Variants in CEP295 observed in about 807,000 individuals in gnomAD.
CEP295 encodes the protein centrosomal protein of 295 kDa.
A neutral mutation model predicts 291.6 loss-of-function variants in CEP295; 190 were observed. The ratio of observed to expected loss-of-function variants is 0.65; its 90% CI spans 0.58 to 0.73. The LOEUF is 0.73. Ranked by LOEUF, CEP295 falls within the 30% of genes least tolerant of loss-of-function variation. CEP295 has a pLI of 0.00. For missense variants in CEP295, 2,863 were observed against 2,949.4 expected (o/e 0.97, Z 0.68); for synonymous variants, 993 against 1,038.8 (o/e 0.96, Z 0.85).
At chr11:93,714,162 C>G (rs985525985) in intron 18 of CEP295, among the ~76,000 whole-genome samples, 1 of 152,124 alleles carries the variant, frequency 6.6e-6, no homozygotes, top group Non-Finnish European at 1.5e-5. Context: ...CCCTTGGTCC[C>G]TTATTTAGTT....
chr11:93,674,428 T>C (rs1297176770), intron 5 of CEP295, among the ~76,000 whole-genome samples: 1 of 152,196 alleles, frequency 6.6e-6, no homozygotes, highest in African/African-American at 2.4e-5. Context: ...TAGCCAGGCA[T>C]GGTGGTACAT....
In CEP295 at chr11:93,679,499, G is replaced by C. The variant is rs150862789; in HGVS notation, c.712G>C (p.Glu238Gln). The C allele has an allele frequency of 1.1e-4, 174 of 1,551,568 alleles. No homozygotes were observed. The African/African-American group carries it at 2.0e-3, about 17-fold the overall frequency. The change falls in exon 7 of 30, where the codon GAA becomes CAA. Residue 238 changes from glutamate (E) to glutamine (Q), a missense_variant. Glu to Gln is a conservative substitution (Grantham distance 29). Around this residue, in one of 3 missense-constraint regions of CEP295, gnomAD observed 554 missense variants for 576.0 expected, o/e 0.96. Coordinates refer to ENST00000325212, the MANE Select transcript of CEP295 (RefSeq NM_033395.2). ...QAAQERMERFEKAHVRGFQAM... is the reference protein window; with the variant it reads ...QAAQERMERFQKAHVRGFQAM... The stretch of plus-strand genomic sequence containing the variant: ...AGCACAAGAGAGAATGGAACGGTTT[G>C]AAAAGGCACATGTACGGGGATTCCA...
Position 93,727,650 on chromosome 11 carries a change from A to C in CEP295, c.7161+13A>C, listed in dbSNP as rs1011271971. 1 of 1,495,700 alleles carries C rather than the reference A, an allele frequency of 6.7e-7. No individual in the cohort carries two copies. The highest frequency in any genetic ancestry group is 8.9e-7 in the Non-Finnish European group (1 of 1,124,514). 92.7% of individuals were successfully genotyped at this position (1,495,700 alleles called of 1,614,324 possible). On this transcript the variant is annotated intron_variant, in intron 24 of 29. Transcript: ENST00000325212. ...TATACCAGTCTGGGTAAGTGAAATC[A>C]GTGTTGTATAAATAACATTTAAATT...
intron 5 of CEP295, among the ~76,000 whole-genome samples, chr11:93,670,663 G>C (rs1481254227): frequency 6.6e-6 from 1 of 152,090 alleles, no homozygotes; most frequent in Non-Finnish European, 1.5e-5. Context: ...TGTAACATTT[G>C]ATCCAACAAA....
chr11:93,683,757 G>T lies in CEP295; in HGVS notation c.949+15G>T, dbSNP rs1951087208. On this transcript the variant is annotated intron_variant, in intron 8 of 29. Coordinates refer to ENST00000325212, the MANE Select transcript of CEP295 (RefSeq NM_033395.2). Reference sequence around the variant, plus strand: ...TGCAGACAGGAGTAAGATATTTTCAGTAGGGCTTTCAATAGTGATTTTATA... The same window carrying T: ...TGCAGACAGGAGTAAGATATTTTCATTAGGGCTTTCAATAGTGATTTTATA... 1 of 1,522,634 alleles carries T rather than the reference G, an allele frequency of 6.6e-7. No individual in the cohort carries two copies. The highest frequency in any genetic ancestry group is 1.4e-5 in the African/African-American group (1 of 71,046). The allele number at this position is 1,522,634 out of a possible 1,614,324, so 94.3% of individuals were successfully genotyped here. A position where few individuals can be genotyped will look rare whatever the true frequency, so the allele number is the denominator to read the frequency against.
Position 93,699,949 on chromosome 11 carries a change from A to C in CEP295, c.5037A>C (p.Ala1679=). The C allele has an allele frequency of 6.4e-7, 1 of 1,551,774 alleles. No homozygotes were observed. Among genetic ancestry groups the C allele is most frequent in the Non-Finnish European group, 8.7e-7 (1 of 1,146,990 alleles). ...CELYSSQNEH[A]APPSNPVIPG... ...TGTATTCATCCCAGAATGAACATGC[A>C]GCCCCCCCAAGTAATCCTGTGATCC... Residue 1679 remains alanine (A), a synonymous_variant, in exon 15 of 30, where the codon GCA becomes GCC. Coordinates refer to ENST00000325212, the MANE Select transcript of CEP295 (RefSeq NM_033395.2).
At chr11:93,676,664 T>C (rs1373520419) in intron 6 of CEP295, among the ~76,000 whole-genome samples, 1 of 152,024 alleles carries the variant, frequency 6.6e-6, no homozygotes, top group Non-Finnish European at 1.5e-5. Context: ...GTAGGAACAA[T>C]AACTTCAATT....
At chr11:93,676,152 G>A (rs572004032) in intron 6 of CEP295, among the ~76,000 whole-genome samples, 21 of 151,932 alleles carry the variant, frequency 1.4e-4, no homozygotes, top group African/African-American at 3.1e-4. Context: ...GCTTCTGTAA[G>A]TAATGTAAGC....
At chr11:93,729,168 A>G (rs1363873923) in intron 25 of CEP295, 12 of 517,720 alleles carry the variant, frequency 2.3e-5, no homozygotes, top group South Asian at 6.0e-5. Context: ...TAGGGAGGCA[A>G]TAAGAATAAA....
intron 9 of CEP295, among the ~76,000 whole-genome samples, chr11:93,686,875 A>AT (rs1269723767): frequency 1.3e-5 from 2 of 152,030 alleles, no homozygotes; most frequent in South Asian, 4.2e-4. Context: ...CTCAATTGGA[A>AT]TTTTTTTTAA....
At chr11:93,703,382 C>T (rs2135158254) in intron 17 of CEP295, among the ~76,000 whole-genome samples, 1 of 150,780 alleles carries the variant, frequency 6.6e-6, no homozygotes, top group African/African-American at 2.4e-5. Context: ...CTTATTTAAA[C>T]AGTATTTAAA....
chr11:93,676,565 A>C lies in CEP295; in HGVS notation c.624+899A>C, dbSNP rs563295765. Among the ~76,000 whole-genome samples, 19 of 152,192 alleles carry C rather than the reference A, an allele frequency of 1.2e-4. No individual in the cohort carries two copies. In the South Asian group the frequency reaches 3.9e-3, roughly 31 times the overall value. ...TATTCAGTTAAGAACTAAAATGAATATCATCACAGAATGAACTTCTAAGAT... is the reference window on the plus strand; with the variant it reads ...TATTCAGTTAAGAACTAAAATGAATCTCATCACAGAATGAACTTCTAAGAT... On this transcript the variant is annotated intron_variant, in intron 6 of 29. Transcript: ENST00000325212.
intron 20 of CEP295, 50 bp downstream of exon 20, chr11:93,722,100 G>C (rs1953775373): frequency 9.6e-7 from 1 of 1,044,780 alleles, no homozygotes; most frequent in African/African-American, 1.6e-5. Context: ...GGCACCAGTT[G>C]AGTTGCAATA....
At chr11:93,680,889 T>C (rs1950927159) in intron 7 of CEP295, among the ~76,000 whole-genome samples, 1 of 152,220 alleles carries the variant, frequency 6.6e-6, no homozygotes, top group African/African-American at 2.4e-5. Flanking sequence ...TAAAAATGCA[T>C]TGGAAATTAA....
intron 22 of CEP295, 23 bp downstream of exon 22, chr11:93,724,398 T>C: frequency 5.2e-6 from 8 of 1,539,974 alleles, no homozygotes; most frequent in Non-Finnish European, 7.0e-6. Context: ...AGATGTCCCA[T>C]TGCAGTGAAT....
intron 18 of CEP295, among the ~76,000 whole-genome samples, chr11:93,707,259 T>G (rs1001230095): frequency 2.0e-5 from 3 of 152,212 alleles, no homozygotes; most frequent in African/African-American, 7.2e-5. Context: ...TATGTTTATT[T>G]TTAAATATTT....
intron 7 of CEP295, among the ~76,000 whole-genome samples, chr11:93,681,438 CAG>C (rs1417021276): frequency 3.6e-4 from 3 of 8,292 alleles, no homozygotes; most frequent in Non-Finnish European, 8.4e-4. Flanking sequence ...TTTTTTGTGA[CAG>C]AGTCTTGCTC....
Position 93,706,841 on chromosome 11 carries a change from G to T in CEP295, c.5693G>T (p.Ser1898Ile). 1 of 1,549,322 alleles carries T rather than the reference G, an allele frequency of 6.5e-7. No individual in the cohort carries two copies. Among genetic ancestry groups the T allele is most frequent in the South Asian group, 1.2e-5 (1 of 83,832 alleles). ...AGCCCACTGGCCCATGATCCGTTTA[G>T]TTGTCTTCAACTGGTTGGCCAAGAG... ...FGSPLAHDPF[S>I]CLQLVGQENV... Residue 1898 changes from serine to isoleucine, a missense_variant, in exon 18 of 30, where the codon AGT (serine) becomes ATT (isoleucine). By Grantham distance (142) the Ser-to-Ile change is moderately radical (BLOSUM62 -2). Transcript: ENST00000325212.
chr11:93,727,039 C>T lies in CEP295; in HGVS notation c.6563C>T (p.Ala2188Val), dbSNP rs1391667744. Residue 2188 changes from alanine to valine, a missense_variant, in exon 24 of 30, where the codon GCT (alanine) becomes GTT (valine). Physicochemically the swap from Ala to Val is moderately conservative, Grantham distance 64. Coordinates refer to ENST00000325212, the MANE Select transcript of CEP295 (RefSeq NM_033395.2). ...EYSSQEESQH[A>V]DLPSIFSIEA... ...TCTTCACAGGAGGAGAGCCAGCATG[C>T]TGATCTACCAAGTATTTTTAGCATT... 6.4e-7 allele frequency: 1 copy of T among 1,550,830 alleles called. No homozygotes were observed. The highest frequency in any genetic ancestry group is 1.4e-5 in the African/African-American group (1 of 72,976).
Sources: gnomAD v4.1 joint callset for allele counts (sites outside exome capture counted in the v4.1 genomes callset) on GRCh38, gnomAD v4.1.1 for gene constraint, gnomAD v4.1.1 regional missense constraint, MANE v1.5 for transcripts, NCBI Gene and HGNC (gene_info 2026-07-23, HGNC 2026-07-21) for gene names.